DYSF: variants seen among roughly 807,000 people sequenced by gnomAD.
DYSF encodes dysferlin.
Under a neutral mutation model 274.9 loss-of-function variants are expected in DYSF, and 212 were observed. The ratio of observed to expected loss-of-function variants is 0.77; its 90% CI spans 0.69 to 0.86. DYSF has a LOEUF of 0.86. DYSF is among the 40% of genes least tolerant of loss of function. DYSF has a pLI of 0.00. For missense variants in DYSF, 2,666 were observed against 2,783.2 expected, an observed-to-expected ratio of 0.96 and a Z score of 0.95; for synonymous variants, 1,091 against 1,078.7, an observed-to-expected ratio of 1.01 and a Z score of -0.22.
chr2:71,494,104 GTT>G (rs2084146442), intron 3 of DYSF, among the ~76,000 whole-genome samples: 1 of 151,824 alleles, frequency 6.6e-6, no homozygotes, highest in Admixed American at 6.6e-5. Flanking sequence ...GAGGGTTTTT[GTT>G]ATCAGGCATA....
intron 44 of DYSF, 66 bp downstream of exon 44, chr2:71,659,099 C>G: frequency 6.2e-7 from 1 of 1,604,580 alleles, no homozygotes; most frequent in Non-Finnish European, 8.5e-7. Context: ...CCTATAGAAC[C>G]TGGACACAAA....
chr2:71,545,612 C>G (rs1184124205), intron 17 of DYSF, among the ~76,000 whole-genome samples: 1 of 152,160 alleles, frequency 6.6e-6, no homozygotes, highest in Admixed American at 6.5e-5. Flanking sequence ...GAAGGAACCT[C>G]GTCTTCAGTT....
intron 40 of DYSF, among the ~76,000 whole-genome samples, chr2:71,616,556 G>A (rs896091223): frequency 6.6e-6 from 1 of 152,108 alleles, no homozygotes; most frequent in African/African-American, 2.4e-5. Context: ...TAAGCTTGGT[G>A]GTGGCATTGC....
At chr2:71,643,715 T>A (rs939080601) in intron 41 of DYSF, among the ~76,000 whole-genome samples, 2 of 152,168 alleles carry the variant, frequency 1.3e-5, no homozygotes, top group Admixed American at 6.5e-5. Flanking sequence ...GAAACACACA[T>A]GCTTGGGGGG....
intron 43 of DYSF, among the ~76,000 whole-genome samples, chr2:71,658,456 C>T (rs190645073): frequency 6.6e-6 from 1 of 152,310 alleles, no homozygotes; most frequent in Non-Finnish European, 1.5e-5. Flanking sequence ...TTTTCATCAA[C>T]ACCCCACTCC....
intron 30 of DYSF, among the ~76,000 whole-genome samples, chr2:71,586,760 G>T (rs1313088813): frequency 6.6e-6 from 1 of 152,094 alleles, no homozygotes; most frequent in African/African-American, 2.4e-5. Context: ...CCGCGAGCAG[G>T]GAGGTCCCTG....
chr2:71,602,840 G>T, intron 36 of DYSF, 35 bp downstream of exon 36: 2 of 1,610,416 alleles, frequency 1.2e-6, no homozygotes. Flanking sequence ...TGGGTGGGCC[G>T]AGGTAGAGGG....
chr2:71,457,064 A>G (rs1466112516), intron 1 of DYSF, among the ~76,000 whole-genome samples: 1 of 152,168 alleles, frequency 6.6e-6, no homozygotes, highest in East Asian at 1.9e-4. Flanking sequence ...GACATTTGCT[A>G]AGCACAAAAG....
chr2:71,549,413 G>A (rs758235978), intron 17 of DYSF: 1 of 1,609,432 alleles, frequency 6.2e-7, no homozygotes, highest in Non-Finnish European at 8.5e-7. Context: ...TCACCTTGGG[G>A]ACAACCAGGG....
At chr2:71,574,977 A>G (rs1459178988) in intron 30 of DYSF, among the ~76,000 whole-genome samples, 2 of 152,188 alleles carry the variant, frequency 1.3e-5, no homozygotes, top group African/African-American at 4.8e-5. Context: ...AGCACTCGGT[A>G]CTGGCACACA....
At chr2:71,500,281 G>C (rs779932528) in intron 3 of DYSF, among the ~76,000 whole-genome samples, 6 of 152,092 alleles carry the variant, frequency 3.9e-5, no homozygotes, top group Non-Finnish European at 8.8e-5. Context: ...TTCCTGGGAG[G>C]CTCTGAATTT....
At chr2:71,512,362 GT>G (rs1346472978) in intron 5 of DYSF, among the ~76,000 whole-genome samples, 3 of 152,172 alleles carry the variant, frequency 2.0e-5, no homozygotes, top group African/African-American at 4.8e-5. Context: ...AAAAGAACTA[GT>G]TTTTTTTCTT....
intron 32 of DYSF, among the ~76,000 whole-genome samples, chr2:71,595,673 C>T (rs1443401389): frequency 6.6e-6 from 1 of 152,186 alleles, no homozygotes; most frequent in Non-Finnish European, 1.5e-5. Flanking sequence ...CCCTGACTCC[C>T]TTGTGGTGAT....
At chr2:71,580,695 C>G (rs1048032782) in intron 30 of DYSF, among the ~76,000 whole-genome samples, 1 of 152,172 alleles carries the variant, frequency 6.6e-6, no homozygotes, top group African/African-American at 2.4e-5. Context: ...CTGTTCTATA[C>G]CTGGCATTGT....
intron 6 of DYSF, 24 bp from the exon 7 acceptor site, chr2:71,513,692 C>T (rs1271818451): frequency 2.5e-6 from 4 of 1,612,420 alleles, no homozygotes; most frequent in Non-Finnish European, 3.4e-6. Flanking sequence ...GGATCCAGGC[C>T]TCATTAGGGC....
chr2:71,482,910 G>A (rs577476530), intron 3 of DYSF, among the ~76,000 whole-genome samples: 2 of 152,224 alleles, frequency 1.3e-5, no homozygotes, highest in African/African-American at 4.8e-5. Flanking sequence ...TCACAGGGGA[G>A]CCTTTGTTTG....
intron 40 of DYSF, among the ~76,000 whole-genome samples, chr2:71,616,542 T>C (rs1275753275): frequency 6.6e-6 from 1 of 151,890 alleles, no homozygotes; most frequent in African/African-American, 2.4e-5. Context: ...GCCAGAGGTG[T>C]GTCTAAGCTT....
intron 3 of DYSF, among the ~76,000 whole-genome samples, chr2:71,502,691 T>G (rs1186088509): frequency 1.3e-5 from 2 of 152,186 alleles, no homozygotes; most frequent in African/African-American, 2.4e-5. Flanking sequence ...GTGGAGCCTG[T>G]TTCCCCTGCC....
At chr2:71,542,866 C>T (rs954943310) in intron 17 of DYSF, among the ~76,000 whole-genome samples, 18 of 152,234 alleles carry the variant, frequency 1.2e-4, no homozygotes, top group African/African-American at 2.9e-4. Flanking sequence ...CATCATGGCC[C>T]GTTCCCAATG....
Sources: gnomAD v4.1 joint callset for allele counts (sites outside exome capture counted in the v4.1 genomes callset) on GRCh38, gnomAD v4.1.1 for gene constraint, MANE v1.5 for transcripts, NCBI Gene and HGNC (gene_info 2026-07-23, HGNC 2026-07-21) for gene names.